The following RUSC2 variants were observed in gnomAD, a reference collection of about 807,000 sequenced individuals.
RUSC2 encodes AP-4 complex accessory subunit RUSC2.
In RUSC2, 34 loss-of-function variants were observed where a neutral mutation model predicts 122.2. The observed-to-expected ratio is 0.28, with a 90% CI of 0.21 to 0.37. The LOEUF (loss-of-function observed/expected upper bound fraction) is 0.37. Ranked by LOEUF, RUSC2 falls within the 10% of genes least tolerant of loss-of-function variation. RUSC2 has a pLI of 1.00. For missense variants in RUSC2, 1,747 were observed against 1,952.4 expected (o/e 0.89, Z 1.98); for synonymous variants, 784 against 790.0 (o/e 0.99, Z 0.13).
intron 1 of RUSC2, among the ~76,000 whole-genome samples, chr9:35,511,909 G>A (rs1236033844): frequency 1.3e-5 from 2 of 152,064 alleles, no homozygotes; most frequent in South Asian, 2.1e-4. Context: ...GGCCGGGCGC[G>A]GTGGCTCACG....
chr9:35,531,011 G>A (rs569877598), intron 1 of RUSC2, among the ~76,000 whole-genome samples: 1 of 151,780 alleles, frequency 6.6e-6, no homozygotes, highest in South Asian at 2.1e-4. Flanking sequence ...TGTAATCCCA[G>A]CACTTTTGGA....
At position 35,556,124 on chromosome 9, in the gene RUSC2, C is replaced by A. The variant is rs1822012429; in HGVS notation, c.2829C>A (p.Asn943Lys). 1 of 1,614,004 alleles carries A rather than the reference C, an allele frequency of 6.2e-7. No individual in the cohort carries two copies. The highest frequency in any genetic ancestry group is 8.5e-7 in the Non-Finnish European group (1 of 1,179,996). The change falls in exon 4 of 12, where the codon AAC becomes AAA. Residue 943 changes from asparagine (N) to lysine (K), a missense_variant. Asn to Lys is a moderately conservative substitution (Grantham distance 94, BLOSUM62 0). Transcript: ENST00000361226. ...PGSLSAASHL[N>K]CRLNGQAVKP... ...CCCTCAGTGCTGCCAGCCATCTGAA[C>A]TGCCGGCTGAATGGTGTGTGAGCAG...
At chr9:35,510,611 G>A (rs1296451940) in intron 1 of RUSC2, among the ~76,000 whole-genome samples, 1 of 152,184 alleles carries the variant, frequency 6.6e-6, no homozygotes, top group Admixed American at 6.5e-5. Flanking sequence ...ACACTACAGT[G>A]TCTGGCACTT....
At chr9:35,511,515 G>T (rs1324739510) in intron 1 of RUSC2, among the ~76,000 whole-genome samples, 1 of 152,180 alleles carries the variant, frequency 6.6e-6, no homozygotes, top group African/African-American at 2.4e-5. Flanking sequence ...CAAAAAGGAG[G>T]ACTAGAACTA....
intron 1 of RUSC2, among the ~76,000 whole-genome samples, chr9:35,537,159 C>T (rs1397064042): frequency 6.6e-6 from 1 of 152,162 alleles, no homozygotes; most frequent in African/African-American, 2.4e-5. Context: ...AAGCCAAGCA[C>T]TAGAGGTCTG....
At chr9:35,495,433 C>A (rs1406118570) in intron 1 of RUSC2, among the ~76,000 whole-genome samples, 1 of 150,848 alleles carries the variant, frequency 6.6e-6, no homozygotes, top group Non-Finnish European at 1.5e-5. Flanking sequence ...ACTGACCTTT[C>A]CCCACTGAAT....
rs1822111965 is a variant in RUSC2 at position 35,560,085 on chromosome 9, T to C, written c.3445T>C (p.Cys1149Arg). ...CTTCCTGAGTGCAGCTCATACCGTGTGTCCCGGCCTCTTTGAAGAGCTGCT... is the reference window on the plus strand; with the variant it reads ...CTTCCTGAGTGCAGCTCATACCGTGCGTCCCGGCCTCTTTGAAGAGCTGCT... ...WGFLSAAHTV[C>R]PGLFEELLLL... Residue 1149 changes from cysteine (C) to arginine (R), a missense_variant, in exon 10 of 12, where the codon TGT becomes CGT. Physicochemically the swap from Cys to Arg is radical, Grantham distance 180 (BLOSUM62 -3). Coordinates refer to ENST00000361226, the MANE Select transcript of RUSC2 (RefSeq NM_014806.5). 4 of 1,613,784 alleles carry C rather than the reference T, an allele frequency of 2.5e-6. No individual in the cohort carries two copies. The highest frequency in any genetic ancestry group is 3.4e-6 in the Non-Finnish European group (4 of 1,179,810).
chr9:35,526,203 G>A (rs1039832175), intron 1 of RUSC2, among the ~76,000 whole-genome samples: 12 of 152,228 alleles, frequency 7.9e-5, no homozygotes, highest in African/African-American at 2.6e-4. Context: ...ATTCATGCCT[G>A]CTTTATTTTG....
chr9:35,559,166 T>G lies in RUSC2; in HGVS notation c.3342-60T>G, dbSNP rs1010891823. ...CTTCCTGTGCCTGACCCCCTGGATC[T>G]GTCTCCTTATCTGGCTGTATTCACA... is the stretch of plus-strand genomic sequence containing the variant. On this transcript the variant is annotated intron_variant, in intron 8 of 11. Transcript: ENST00000361226. 1.1e-5 allele frequency: 15 copies of G among 1,363,614 alleles called. No individual in the cohort carries two copies. In the Admixed American group the frequency reaches 2.3e-4, roughly 21 times the overall value. 84.5% of individuals were successfully genotyped at this position (1,363,614 alleles called of 1,614,324 possible). A position where few individuals can be genotyped will look rare whatever the true frequency, so the allele number is the denominator to read the frequency against.
chr9:35,494,030 GTTTATTTA>G (rs746701399), intron 1 of RUSC2, among the ~76,000 whole-genome samples: 1 of 151,762 alleles, frequency 6.6e-6, no homozygotes, highest in Non-Finnish European at 1.5e-5. Context: ...TTATGTTTAT[GTTTATTTA>G]TTTATTTATT....
chr9:35,557,955 G>A lies in RUSC2; in HGVS notation c.3025G>A (p.Ala1009Thr). ...TAACATCGCTGTGGACCTCATTGTG[G>A]CTCATTTTGGCACAAGCCGGGATCC... ...AVNIAVDLIV[A>T]HFGTSRDPGV... The change falls in exon 6 of 12, where the codon GCT becomes ACT. Residue 1009 changes from alanine to threonine, a missense_variant. By Grantham distance (58) the Ala-to-Thr change is moderately conservative. Coordinates refer to ENST00000361226, the MANE Select transcript of RUSC2 (RefSeq NM_014806.5). The surrounding 1 kb of genome is among the most constrained non-coding windows in gnomAD (Gnocchi z 4.6). 1 of 1,614,174 alleles carries A rather than the reference G, an allele frequency of 6.2e-7. No individual in the cohort carries two copies. Among genetic ancestry groups the A allele is most frequent in the Non-Finnish European group, 8.5e-7 (1 of 1,180,032 alleles).
chr9:35,535,177 G>C (rs1415197303), intron 1 of RUSC2, among the ~76,000 whole-genome samples: 1 of 151,906 alleles, frequency 6.6e-6, no homozygotes, highest in South Asian at 2.1e-4. Context: ...GTGCAATGGT[G>C]CAATCTCGGC....
At position 35,547,182 on chromosome 9, in the gene RUSC2, T is replaced by A; in HGVS notation, c.661T>A (p.Ser221Thr). The A allele has an allele frequency of 6.2e-7, 1 of 1,614,154 alleles. No homozygotes were observed. Among genetic ancestry groups the A allele is most frequent in the Non-Finnish European group, 8.5e-7 (1 of 1,180,032 alleles). ...SGSGGGASDT[S>T]GFSFDQEWKL... is the part of the protein sequence containing the mutation. ...CAGTGGGGGTGGAGCCAGCGATACC[T>A]CTGGCTTTTCCTTTGACCAGGAATG... Residue 221 changes from serine (S) to threonine (T), a missense_variant, in exon 2 of 12, where the codon TCT becomes ACT. By Grantham distance (58) the Ser-to-Thr change is moderately conservative. Transcript: ENST00000361226. This position sits in a 1 kb window ranked among gnomAD's most constrained non-coding sequence, Gnocchi z 4.6.
At chr9:35,504,450 A>T in intron 1 of RUSC2, among the ~76,000 whole-genome samples, 1 of 149,068 alleles carries the variant, frequency 6.7e-6, no homozygotes, top group African/African-American at 2.5e-5. Context: ...TTAAGATCTT[A>T]GTTTTTTGGG....
rs1356682474 is a variant in RUSC2 at position 35,548,343 on chromosome 9, C to G, written c.1822C>G (p.Leu608Val). 2 of 1,613,906 alleles carry G rather than the reference C, an allele frequency of 1.2e-6. No individual in the cohort carries two copies. The highest frequency in any genetic ancestry group is 1.7e-6 in the Non-Finnish European group (2 of 1,180,040). The change falls in exon 2 of 12, where the codon CTA becomes GTA. Residue 608 changes from leucine to valine, a missense_variant. Physicochemically the swap from Leu to Val is conservative, Grantham distance 32. Coordinates refer to ENST00000361226, the MANE Select transcript of RUSC2 (RefSeq NM_014806.5). This position sits in a 1 kb window ranked among gnomAD's most constrained non-coding sequence, Gnocchi z 4.5. Reference sequence around the variant, plus strand: ...CATGCCTTTGGGGCCAGGCATGGACCTACTTGGCCCAGACCCAAGTCCACC... The same window carrying G: ...CATGCCTTTGGGGCCAGGCATGGACGTACTTGGCCCAGACCCAAGTCCACC... ...PPMPLGPGMD[L>V]LGPDPSPPWS...
chr9:35,515,023 A>G (rs1409818852), intron 1 of RUSC2, among the ~76,000 whole-genome samples: 4 of 152,206 alleles, frequency 2.6e-5, no homozygotes, highest in Admixed American at 2.6e-4. Flanking sequence ...ACCTAGCCGA[A>G]TATCAGGGTT....
rs750811759 is a variant in RUSC2, at chr9:35,558,147, CCA to C, written c.3061-47_3061-46del. 12 of 1,599,840 alleles carry C rather than the reference CCA, an allele frequency of 7.5e-6. No individual in the cohort carries two copies. The highest frequency in any genetic ancestry group is 6.7e-5 in the East Asian group (3 of 44,708). On this transcript the variant is annotated intron_variant, in intron 6 of 11. Transcript: ENST00000361226. The surrounding 1 kb of genome is among the most constrained non-coding windows in gnomAD (Gnocchi z 4.3). Reference sequence around the variant, plus strand: ...ACCATGAGGGCCTGCTACGAGAGGACCACAGTCAGGCCTGAGGGGGTTTCCTG... The same window carrying C: ...ACCATGAGGGCCTGCTACGAGAGGACCAGTCAGGCCTGAGGGGGTTTCCTG...
In RUSC2 at chr9:35,547,348, G is replaced by C. The variant is rs759165903; in HGVS notation, c.827G>C (p.Ser276Thr). ...MGYVSDSSCN[S>T]SDGVLVTFST... is the part of the protein sequence containing the mutation. The stretch of plus-strand genomic sequence containing the variant: ...TATGTGAGCGACTCCTCCTGCAACA[G>C]TTCAGATGGTGTGCTGGTCACCTTC... Residue 276 changes from serine (S) to threonine (T), a missense_variant, in exon 2 of 12, where the codon AGT becomes ACT. Coordinates refer to ENST00000361226, the MANE Select transcript of RUSC2 (RefSeq NM_014806.5). The surrounding 1 kb of genome is among the most constrained non-coding windows in gnomAD (Gnocchi z 4.6). 6 of 1,614,064 alleles carry C rather than the reference G, an allele frequency of 3.7e-6. No homozygotes were observed. Among genetic ancestry groups the C allele is most frequent in the African/African-American group, 2.7e-5 (2 of 74,934 alleles).
chr9:35,534,716 G>C (rs773687640), intron 1 of RUSC2, among the ~76,000 whole-genome samples: 1 of 152,000 alleles, frequency 6.6e-6, no homozygotes, highest in Non-Finnish European at 1.5e-5. Context: ...CTCCTGACCT[G>C]AAGTGATCTG....
Sources: allele counts gnomAD v4.1 joint callset (sites outside exome capture counted in the v4.1 genomes callset), GRCh38; gene constraint gnomAD v4.1.1; non-coding constraint Gnocchi (gnomAD v3.1); transcripts MANE v1.5; gene names NCBI Gene and HGNC (gene_info 2026-07-23, HGNC 2026-07-21).